The following GNB4 variants were observed in gnomAD, a reference collection of about 807,000 sequenced individuals.
The protein encoded by GNB4 is G protein subunit beta 4, also known as guanine nucleotide-binding protein subunit beta-4.
In GNB4, 28 loss-of-function variants were observed where a neutral mutation model predicts 45.2. The ratio of observed to expected loss-of-function variants is 0.62; its 90% CI spans 0.46 to 0.85. The LOEUF (loss-of-function observed/expected upper bound fraction) is 0.85. Ranked by LOEUF, GNB4 falls within the 40% of genes least tolerant of loss-of-function variation. GNB4 has a pLI of 0.00. For missense variants in GNB4, 321 were observed against 425.4 expected, an observed-to-expected ratio of 0.75 and a Z score of 2.16; for synonymous variants, 132 against 143.7, an observed-to-expected ratio of 0.92 and a Z score of 0.58.
the GNB4 span, among the ~76,000 whole-genome samples, chr3:179,487,871 G>GGGC: frequency 6.6e-6 from 1 of 152,056 alleles, no homozygotes; most frequent in Non-Finnish European, 1.5e-5. Flanking sequence ...CCAACATGGT[G>GGGC]AAACCCCATC....
chr3:179,453,651 T>G (rs1249575176), upstream of GNB4, among the ~76,000 whole-genome samples: 1 of 152,170 alleles, frequency 6.6e-6, no homozygotes, highest in Non-Finnish European at 1.5e-5. Flanking sequence ...TGAAAAGATG[T>G]AACAAGAATT....
At chr3:179,403,498 A>G (rs998928843) in intron 9 of GNB4, among the ~76,000 whole-genome samples, 4 of 152,148 alleles carry the variant, frequency 2.6e-5, no homozygotes, top group Non-Finnish European at 4.4e-5. Flanking sequence ...TAAAAAATAT[A>G]ATTAAAAAGT....
the GNB4 span, among the ~76,000 whole-genome samples, chr3:179,482,571 C>T: frequency 7.9e-5 from 12 of 152,322 alleles, no homozygotes; most frequent in Admixed American, 5.9e-4. Flanking sequence ...TCCCTGCCCC[C>T]ACTAATGCCT....
the GNB4 span, among the ~76,000 whole-genome samples, chr3:179,527,180 G>A: frequency 6.6e-6 from 1 of 152,298 alleles, no homozygotes; most frequent in Middle Eastern, 3.4e-3. Flanking sequence ...GGAAAGAAAA[G>A]CAGGATGCCG....
chr3:179,511,244 T>C, the GNB4 span, among the ~76,000 whole-genome samples: 1 of 152,244 alleles, frequency 6.6e-6, no homozygotes, highest in African/African-American at 2.4e-5. Flanking sequence ...ATTGCCATTT[T>C]CCACATATTA....
chr3:179,453,422 C>T (rs1377552112), upstream of GNB4, among the ~76,000 whole-genome samples: 1 of 152,128 alleles, frequency 6.6e-6, no homozygotes, highest in East Asian at 1.9e-4. Flanking sequence ...GATCCCGGCC[C>T]CATATTCTTT....
chr3:179,410,646 A>C (rs1714625291), intron 8 of GNB4: 1 of 152,218 alleles, frequency 6.6e-6, no homozygotes, highest in Non-Finnish European at 1.5e-5. Context: ...CCAATCCATT[A>C]TGACCTCATT....
upstream of GNB4, among the ~76,000 whole-genome samples, chr3:179,456,107 C>CTTTTTTT (rs10603569): frequency 8.2e-6 from 1 of 122,624 alleles, no homozygotes; most frequent in African/African-American, 3.2e-5. Context: ...GGGACATAGA[C>CTTTTTTT]TTTTTTTTTT....
chr3:179,487,821 C>T, the GNB4 span, among the ~76,000 whole-genome samples: 27 of 152,024 alleles, frequency 1.8e-4, no homozygotes, highest in African/African-American at 5.6e-4. Flanking sequence ...GAGGCCAAGG[C>T]GGGCAGATCA....
the GNB4 span, among the ~76,000 whole-genome samples, chr3:179,508,215 G>A: frequency 6.6e-6 from 1 of 152,104 alleles, no homozygotes; most frequent in East Asian, 1.9e-4. Flanking sequence ...TCGAACTGCT[G>A]GCCTCAAGCA....
chr3:179,508,431 C>T, the GNB4 span, among the ~76,000 whole-genome samples: 2 of 152,184 alleles, frequency 1.3e-5, no homozygotes, highest in African/African-American at 2.4e-5. Flanking sequence ...CTCTCAGCCT[C>T]GCAAGCGCTG....
At chr3:179,420,522 G>T (rs1714948286) in intron 3 of GNB4, among the ~76,000 whole-genome samples, 1 of 150,762 alleles carries the variant, frequency 6.6e-6, no homozygotes, top group Admixed American at 6.6e-5. Context: ...GAGTACAATG[G>T]TGCGATCTCA....
chr3:179,402,874 A>G (rs112049769), intron 9 of GNB4, among the ~76,000 whole-genome samples: 2,261 of 152,308 alleles, frequency 0.015, 65 homozygotes, highest in African/African-American at 0.052. Context: ...GTCAGGTGAC[A>G]GATCATCCTG....
At chr3:179,495,611 GAAGA>G in the GNB4 span, among the ~76,000 whole-genome samples, 53 of 150,090 alleles carry the variant, frequency 3.5e-4, no homozygotes, top group Middle Eastern at 3.4e-3. Context: ...GGGAGGGAAG[GAAGA>G]AAGAAAGAAA....
chr3:179,428,470 T>C (rs907607605), intron 1 of GNB4, among the ~76,000 whole-genome samples: 1 of 152,160 alleles, frequency 6.6e-6, no homozygotes, highest in Admixed American at 6.6e-5. Flanking sequence ...CAACCTTAGC[T>C]GCCCTTGCTG....
the GNB4 span, among the ~76,000 whole-genome samples, chr3:179,489,020 AT>A: frequency 9.8e-4 from 29 of 29,462 alleles, no homozygotes; most frequent in Non-Finnish European, 1.3e-3. Context: ...AAAAAAAAAA[AT>A]ATATATATAT....
chr3:179,448,537 T>G (rs7618870), intron 1 of GNB4, among the ~76,000 whole-genome samples: 11,459 of 152,014 alleles, frequency 0.075, 678 homozygotes, highest in Middle Eastern at 0.26. Context: ...GTTGTTGCTG[T>G]TTGTATTGTT....
In GNB4 at chr3:179,398,935, A is replaced by T. The variant is rs1408003804; in HGVS notation, c.*2278T>A. 1 of 152,200 alleles carries T rather than the reference A, an allele frequency of 6.6e-6. No homozygotes were observed. Among genetic ancestry groups the T allele is most frequent in the African/African-American group, 2.4e-5 (1 of 41,452 alleles). The allele number at this position is 152,200 out of a possible 1,614,324, so 9.4% of individuals were successfully genotyped here. ...ACATTAAAATAAATGTAATTTTAAA[A>T]TATGTTAAGACCATAGAATTCCTGT... On this transcript the variant is annotated 3_prime_UTR_variant, in exon 10 of 10. Transcript: ENST00000232564.
At chr3:179,469,614 T>C in the GNB4 span, among the ~76,000 whole-genome samples, 1 of 151,826 alleles carries the variant, frequency 6.6e-6, no homozygotes, top group Non-Finnish European at 1.5e-5. Context: ...ATAGCAATAG[T>C]AAAAAAAATT....
Sources: allele counts gnomAD v4.1 joint callset (sites outside exome capture counted in the v4.1 genomes callset), GRCh38; gene constraint gnomAD v4.1.1; transcripts MANE v1.5; gene names NCBI Gene and HGNC (gene_info 2026-07-23, HGNC 2026-07-21).